The following TANK variants were observed in gnomAD, a reference collection of about 807,000 sequenced individuals.
TANK encodes TRAF family member associated NFKB activator.
In TANK, 15 loss-of-function variants were observed where a neutral mutation model predicts 43.6. That is an observed-to-expected ratio of 0.34 (90% confidence interval 0.23 to 0.53). The LOEUF (loss-of-function observed/expected upper bound fraction) is 0.53. TANK is among the 20% of genes least tolerant of loss of function. The probability of loss-of-function intolerance (pLI) is 0.94; values close to 1 mark genes in which losing one functional copy is unlikely to be tolerated. For synonymous variants in TANK, 162 were observed against 178.2 expected (o/e 0.91, Z 0.73); for missense variants, 417 against 498.6 (o/e 0.84, Z 1.56).
At chr2:161,147,055 C>A (rs1683931667) in intron 1 of TANK, among the ~76,000 whole-genome samples, 1 of 152,022 alleles carries the variant, frequency 6.6e-6, no homozygotes, top group African/African-American at 2.4e-5. Flanking sequence ...AGGCCCCGCC[C>A]AATAAGGAGG....
intron 2 of TANK, among the ~76,000 whole-genome samples, chr2:161,202,043 A>T (rs1369028020): frequency 6.6e-6 from 1 of 152,216 alleles, no homozygotes; most frequent in Non-Finnish European, 1.5e-5. Flanking sequence ...GAAACTATGT[A>T]AGACTGCCTT....
chr2:161,168,449 A>G (rs985246774), intron 1 of TANK, among the ~76,000 whole-genome samples: 52 of 152,310 alleles, frequency 3.4e-4, no homozygotes, highest in African/African-American at 1.3e-3. Context: ...ACCTATTGCT[A>G]TGATATAGTC....
upstream of TANK, among the ~76,000 whole-genome samples, chr2:161,158,411 T>A (rs1461958724): frequency 1.3e-5 from 2 of 152,270 alleles, no homozygotes; most frequent in Admixed American, 6.5e-5. Context: ...GATGCCATTT[T>A]AGCATTGATT....
chr2:161,175,168 G>C (rs1277135227), intron 1 of TANK, among the ~76,000 whole-genome samples: 1 of 152,108 alleles, frequency 6.6e-6, no homozygotes, highest in Non-Finnish European at 1.5e-5. Flanking sequence ...TGCCATGTCT[G>C]ATTCATTCTT....
chr2:161,175,386 CAGTCAAAG>C lies in TANK; in HGVS notation c.-49-4225_-49-4218del, dbSNP rs1685132508. Reference sequence around the variant, plus strand: ...GTCATTTAAGCCTTCTGAGCCTTATCAGTCAAAGAGGAATGTTAATATGTAATAGGAAA... The same window carrying C: ...GTCATTTAAGCCTTCTGAGCCTTATCAGGAATGTTAATATGTAATAGGAAA... On this transcript the variant is annotated intron_variant, in intron 1 of 7. Coordinates refer to ENST00000392749, the MANE Select transcript of TANK (RefSeq NM_001199135.3). Among the ~76,000 whole-genome samples, 6 of 152,058 alleles carry C rather than the reference CAGTCAAAG, an allele frequency of 3.9e-5. No individual in the cohort carries two copies. The South Asian group carries it at 1.2e-3, about 32-fold the overall frequency.
intron 6 of TANK, among the ~76,000 whole-genome samples, chr2:161,230,677 A>G (rs1322316600): frequency 6.6e-6 from 1 of 152,246 alleles, no homozygotes; most frequent in Non-Finnish European, 1.5e-5. Context: ...CACTACAAGC[A>G]AATGTTTTTC....
intron 2 of TANK, among the ~76,000 whole-genome samples, chr2:161,185,100 C>T (rs575813478): frequency 3.3e-5 from 5 of 151,956 alleles, no homozygotes; most frequent in Admixed American, 6.6e-5. Flanking sequence ...TTGGAGAATA[C>T]CAATATTTTA....
chr2:161,212,982 G>GGCAAAGAGGAGCCAGCATT (rs1686959222), intron 4 of TANK, among the ~76,000 whole-genome samples: 1 of 152,256 alleles, frequency 6.6e-6, no homozygotes, highest in African/African-American at 2.4e-5. Context: ...CATGGCCGAA[G>GGCAAAGAGGAGCCAGCATT]GCAAAGAGGA....
chr2:161,161,396 A>T, intron 1 of TANK: 2 of 1,550,904 alleles, frequency 1.3e-6, no homozygotes, highest in Non-Finnish European at 1.7e-6. Flanking sequence ...CGGTTGGAAT[A>T]CACACCCAAA....
chr2:161,176,424 A>T (rs1012559886), intron 1 of TANK, among the ~76,000 whole-genome samples: 2 of 152,150 alleles, frequency 1.3e-5, no homozygotes, highest in Non-Finnish European at 2.9e-5. Context: ...TTTAGCATAC[A>T]TTCTTATTTC....
chr2:161,232,693 C>CT lies in TANK; in HGVS notation c.1101+1148dup, dbSNP rs1559013330. ...AGTGCATCAGTTCTAATGCTTGTTA[C>CT]TTTTTTCTCTATTATATGTCTTGCT... On this transcript the variant is annotated intron_variant, in intron 7 of 7. Coordinates refer to ENST00000392749, the MANE Select transcript of TANK (RefSeq NM_001199135.3). The CT allele has an allele frequency of 2.0e-6, 3 of 1,528,560 alleles. No homozygotes were observed. The Admixed American group carries it at 6.2e-5, about 31-fold the overall frequency. The allele number at this position is 1,528,560 out of a possible 1,614,324, so 94.7% of individuals were successfully genotyped here.
upstream of TANK, among the ~76,000 whole-genome samples, chr2:161,159,676 T>C (rs1485086868): frequency 2.6e-5 from 4 of 152,104 alleles, no homozygotes; most frequent in African/African-American, 4.8e-5. Flanking sequence ...CAGGGAGAAA[T>C]TGGGGCAGCC....
At chr2:161,232,016 A>G (rs1299564015) in intron 7 of TANK, among the ~76,000 whole-genome samples, 3 of 152,222 alleles carry the variant, frequency 2.0e-5, no homozygotes, top group Non-Finnish European at 4.4e-5. Flanking sequence ...TCTTTCAGTG[A>G]ATACTTCTAC....
intron 2 of TANK, among the ~76,000 whole-genome samples, chr2:161,190,514 A>G (rs552530062): frequency 6.6e-6 from 1 of 152,326 alleles, no homozygotes; most frequent in South Asian, 2.1e-4. Context: ...TCAGGTTCAG[A>G]AAAGCATTTT....
At chr2:161,229,025 G>A (rs966321571) in intron 6 of TANK, among the ~76,000 whole-genome samples, 1 of 152,180 alleles carries the variant, frequency 6.6e-6, no homozygotes, top group African/African-American at 2.4e-5. Flanking sequence ...ATGTTCCGTC[G>A]TTAAGTGACA....
At chr2:161,150,377 T>C (rs1684039233) in intron 1 of TANK, among the ~76,000 whole-genome samples, 1 of 152,064 alleles carries the variant, frequency 6.6e-6, no homozygotes, top group African/African-American at 2.4e-5. Context: ...CTTTTTCTTA[T>C]CGATTTAAAG....
At chr2:161,194,131 T>C (rs536723190) in intron 2 of TANK, among the ~76,000 whole-genome samples, 123 of 152,278 alleles carry the variant, frequency 8.1e-4, no homozygotes, top group Middle Eastern at 3.4e-3. Context: ...AATAAAATAA[T>C]TAAAACATCT....
chr2:161,202,799 T>C, intron 2 of TANK: 1 of 441,526 alleles, frequency 2.3e-6, no homozygotes. Flanking sequence ...TTTGCTTGAA[T>C]GTTTGCAGCA....
rs112232439 is a variant in TANK at position 161,225,178 on chromosome 2, T to C, written c.520+432T>C. ...TTATAACATCAGGTTTGTTTGTAAA[T>C]TCTGCCTGAAAGTGCATTACATACA... On this transcript the variant is annotated intron_variant, in intron 6 of 7. Transcript: ENST00000392749. Among the ~76,000 whole-genome samples the C allele has an allele frequency of 7.2e-5, 11 of 152,328 alleles. 1 individual carries two copies. Among genetic ancestry groups the C allele is most frequent in the African/African-American group, 2.6e-4 (11 of 41,566 alleles).
Sources: gnomAD v4.1 joint callset for allele counts (sites outside exome capture counted in the v4.1 genomes callset) on GRCh38, gnomAD v4.1.1 for gene constraint, MANE v1.5 for transcripts, NCBI Gene and HGNC (gene_info 2026-07-23, HGNC 2026-07-21) for gene names.